CAMTA1: variants seen among roughly 807,000 people sequenced by gnomAD.
The protein encoded by CAMTA1 is calmodulin binding transcription activator 1.
In CAMTA1, 27 loss-of-function variants were observed where a neutral mutation model predicts 170.9. The observed-to-expected ratio is 0.16, with a 90% CI of 0.12 to 0.22. The LOEUF (loss-of-function observed/expected upper bound fraction) is 0.22, where lower values mean the gene tolerates loss of function less well. Ranked by LOEUF, CAMTA1 falls within the 10% of genes least tolerant of loss-of-function variation. CAMTA1 has a pLI of 1.00. For synonymous variants in CAMTA1, 833 were observed against 891.5 expected (o/e 0.93, Z 1.17); for missense variants, 1,619 against 2,217.2 (o/e 0.73, Z 5.42).
intron 3 of CAMTA1, among the ~76,000 whole-genome samples, chr1:6,981,054 C>A (rs1293606608): frequency 6.6e-6 from 1 of 152,218 alleles, no homozygotes; most frequent in African/African-American, 2.4e-5. Context: ...TACGTGCTGG[C>A]ACAGTCTCGG....
In CAMTA1 at chr1:7,769,638, T is replaced by C. The variant is rs768458033; in HGVS notation, c.*3147T>C. The C allele has an allele frequency of 6.5e-6, 1 of 152,714 alleles. No homozygotes were observed. Among genetic ancestry groups the C allele is most frequent in the Non-Finnish European group, 1.5e-5 (1 of 68,046 alleles). The allele number at this position is 152,714 out of a possible 1,614,324, so 9.5% of individuals were successfully genotyped here. On this transcript the variant is annotated 3_prime_UTR_variant, in exon 23 of 23. Transcript: ENST00000303635. ...AATGTTTTGAATTGCCCTTAAAATA[T>C]GGAAAATGTTTTCTGAATGCTTTAT...
Position 7,766,540 on chromosome 1 carries a change from T to C in CAMTA1, c.*49T>C. 1 of 1,570,200 alleles carries C rather than the reference T, an allele frequency of 6.4e-7. No homozygotes were observed. The highest frequency in any genetic ancestry group is 8.8e-7 in the Non-Finnish European group (1 of 1,140,258). ...CAATGTGACATTGCTTTTCAGACTG[T>C]TTTCATTTCTGTTTTTAGCAGAGAC... On this transcript the variant is annotated 3_prime_UTR_variant, in exon 23 of 23. Coordinates refer to ENST00000303635, the MANE Select transcript of CAMTA1 (RefSeq NM_015215.4).
At chr1:7,628,810 A>G (rs574852609) in intron 6 of CAMTA1, among the ~76,000 whole-genome samples, 30 of 152,378 alleles carry the variant, frequency 2.0e-4, no homozygotes, top group Admixed American at 9.1e-4. Context: ...CCAGGAGGAC[A>G]TGGCCAGTCT....
intron 20 of CAMTA1, 87 bp from the exon 21 acceptor site, chr1:7,752,372 T>G: frequency 8.8e-7 from 1 of 1,137,488 alleles, no homozygotes; most frequent in South Asian, 1.2e-5. Flanking sequence ...AACTGCTTAA[T>G]TCAGAGTCCT....
chr1:7,626,413 G>A (rs2095633945), intron 6 of CAMTA1, among the ~76,000 whole-genome samples: 1 of 152,120 alleles, frequency 6.6e-6, no homozygotes, highest in Non-Finnish European at 1.5e-5. Flanking sequence ...TCCCTGCTTG[G>A]ATCACCTGCC....
chr1:7,330,673 G>A (rs1466506611), intron 5 of CAMTA1, among the ~76,000 whole-genome samples: 1 of 152,152 alleles, frequency 6.6e-6, no homozygotes, highest in Non-Finnish European at 1.5e-5. Context: ...ACATGTACTG[G>A]AAAATATCAG....
chr1:7,102,687 C>T (rs1318138234), intron 4 of CAMTA1, among the ~76,000 whole-genome samples: 1 of 152,198 alleles, frequency 6.6e-6, no homozygotes, highest in East Asian at 1.9e-4. Flanking sequence ...TATTTTCACA[C>T]TGAAAATCCA....
At chr1:7,731,587 A>G (rs1312375507) in intron 11 of CAMTA1, among the ~76,000 whole-genome samples, 1 of 151,284 alleles carries the variant, frequency 6.6e-6, no homozygotes, top group Non-Finnish European at 1.5e-5. Flanking sequence ...AAAAAAAAAA[A>G]GAAAAGAAAG....
At chr1:7,542,554 GCC>G (rs1437460283) in intron 6 of CAMTA1, among the ~76,000 whole-genome samples, 3 of 145,948 alleles carry the variant, frequency 2.1e-5, no homozygotes, top group African/African-American at 8.0e-5. Context: ...TCCTGCCTCA[GCC>G]TCCTGAGTAG....
rs538610637 is a variant in CAMTA1, at chr1:7,456,900, C to A, written c.439-10930C>A. 3.3e-5 allele frequency among the ~76,000 whole-genome samples: 5 copies of A among 152,324 alleles called. No individual in the cohort carries two copies. Among genetic ancestry groups the A allele is most frequent in the Middle Eastern group, 3.4e-3 (1 of 294 alleles). On this transcript the variant is annotated intron_variant, in intron 5 of 22. Transcript: ENST00000303635. This position sits in a 1 kb window ranked among gnomAD's most constrained non-coding sequence, Gnocchi z 4.9. Reference sequence around the variant, plus strand: ...CAGCAGGCGCTAGAGCTGACGAGAACAGCCCATGTGGAGCGTGCAGCAAGG... The same window carrying A: ...CAGCAGGCGCTAGAGCTGACGAGAAAAGCCCATGTGGAGCGTGCAGCAAGG...
chr1:6,893,688 C>T (rs1557777821), intron 3 of CAMTA1, among the ~76,000 whole-genome samples: 1 of 152,146 alleles, frequency 6.6e-6, no homozygotes, highest in East Asian at 1.9e-4. Context: ...GTTCTTGGCT[C>T]TGTTGGCTGG....
chr1:7,278,353 A>C (rs1671035445), intron 5 of CAMTA1, among the ~76,000 whole-genome samples: 1 of 152,200 alleles, frequency 6.6e-6, no homozygotes, highest in Admixed American at 6.5e-5. Context: ...GCATTCATCT[A>C]GCTCATGGAG....
rs1011573700 is a variant in CAMTA1 at position 7,435,028 on chromosome 1, G to A, written c.439-32802G>A. On this transcript the variant is annotated intron_variant, in intron 5 of 22. Transcript: ENST00000303635. The surrounding 1 kb of genome is among the most constrained non-coding windows in gnomAD (Gnocchi z 4.4). ...GATCCCACCACTGCACTCCAGCCTG[G>A]GTGACAGCAAAACCCTGTCTCAAAA... Among the ~76,000 whole-genome samples, 9 of 152,174 alleles carry A rather than the reference G, an allele frequency of 5.9e-5. No individual in the cohort carries two copies. Among genetic ancestry groups the A allele is most frequent in the Admixed American group, 5.9e-4 (9 of 15,276 alleles).
intron 1 of CAMTA1, among the ~76,000 whole-genome samples, chr1:6,812,645 C>T (rs928247709): frequency 6.6e-6 from 1 of 152,102 alleles, no homozygotes. Context: ...TTTGAGTATA[C>T]TGGCTTCCAA....
At chr1:7,139,594 CCA>C (rs1645776487) in intron 4 of CAMTA1, among the ~76,000 whole-genome samples, 2 of 152,094 alleles carry the variant, frequency 1.3e-5, no homozygotes. Context: ...CAGAACTTTT[CCA>C]CACAGTTTTC....
At chr1:6,885,439 A>T (rs972802149) in intron 3 of CAMTA1, among the ~76,000 whole-genome samples, 1 of 152,224 alleles carries the variant, frequency 6.6e-6, no homozygotes, top group African/African-American at 2.4e-5. Flanking sequence ...AGAATGCTCA[A>T]ACCATCCAAA....
At chr1:7,752,371 A>T in intron 20 of CAMTA1, 88 bp from the exon 21 acceptor site, 1 of 1,132,178 alleles carries the variant, frequency 8.8e-7, no homozygotes, top group Non-Finnish European at 1.3e-6. Context: ...GAACTGCTTA[A>T]TTCAGAGTCC....
At chr1:7,154,789 G>A (rs1046894091) in intron 4 of CAMTA1, among the ~76,000 whole-genome samples, 22 of 152,102 alleles carry the variant, frequency 1.4e-4, no homozygotes, top group African/African-American at 5.3e-4. Context: ...GGGTTTATTG[G>A]ACTCCAAATC....
intron 3 of CAMTA1, among the ~76,000 whole-genome samples, chr1:7,075,532 C>A (rs1299502134): frequency 6.6e-6 from 1 of 152,174 alleles, no homozygotes; most frequent in Non-Finnish European, 1.5e-5. Flanking sequence ...GGACAGCAGC[C>A]CATCGCTCCC....
Sources: gnomAD v4.1 joint callset for allele counts (sites outside exome capture counted in the v4.1 genomes callset) on GRCh38, gnomAD v4.1.1 for gene constraint, Gnocchi (gnomAD v3.1) non-coding constraint, MANE v1.5 for transcripts, NCBI Gene and HGNC (gene_info 2026-07-23, HGNC 2026-07-21) for gene names.